The following ADCY3 variants were observed in gnomAD, a reference collection of about 807,000 sequenced individuals.
ADCY3 encodes the protein adenylate cyclase type 3.
Under a neutral mutation model 119.4 loss-of-function variants are expected in ADCY3, and 70 were observed. That is an observed-to-expected ratio of 0.59 (90% CI 0.48 to 0.72). The LOEUF (loss-of-function observed/expected upper bound fraction) is 0.72. Among genes scored for constraint, ADCY3 ranks in the 30% least tolerant of loss-of-function variants. ADCY3 has a pLI of 0.00. For missense variants in ADCY3, 1,238 were observed against 1,541.6 expected, an observed-to-expected ratio of 0.80 and a Z score of 3.30; for synonymous variants, 672 against 621.4, an observed-to-expected ratio of 1.08 and a Z score of -1.21.
In ADCY3 at chr2:24,822,584, A is replaced by G; in HGVS notation, c.2930T>C (p.Ile977Thr). ...TGAAGCCGCCATATACGTGCTGCCA[A>G]TGGTTTTGATCTTGGTGATCACCCG... ...KFRVITKIKT[I>T]GSTYMAASGV... The change falls in exon 19 of 22, where the codon ATT becomes ACT. Residue 977 changes from isoleucine (I) to threonine (T), a missense_variant. Physicochemically the swap from Ile to Thr is moderately conservative, Grantham distance 89. Around this residue, in one of 7 missense-constraint regions of ADCY3, gnomAD observed 37 missense variants for 73.5 expected, o/e 0.50. Coordinates refer to ENST00000679454, the MANE Select transcript of ADCY3 (RefSeq NM_004036.5). The G allele has an allele frequency of 1.2e-6, 2 of 1,614,016 alleles. No homozygotes were observed. The highest frequency in any genetic ancestry group is 1.7e-6 in the Non-Finnish European group (2 of 1,179,988).
chr2:24,844,487 G>C lies in ADCY3; in HGVS notation c.826-2103C>G, dbSNP rs553027944. ...AAGTGCTCTGACTCTGCTGAGTTCA[G>C]GGGTCCCTGAGGCCCGAGAGAGGCC... On this transcript the variant is annotated intron_variant, in intron 3 of 21. Coordinates refer to ENST00000679454, the MANE Select transcript of ADCY3 (RefSeq NM_004036.5). Among the ~76,000 whole-genome samples, 11 of 152,268 alleles carry C rather than the reference G, an allele frequency of 7.2e-5. No homozygotes were observed. In the South Asian group the frequency reaches 8.3e-4, roughly 11 times the overall value.
At chr2:24,870,062 G>A (rs1309321544) in intron 3 of ADCY3, among the ~76,000 whole-genome samples, 2 of 151,784 alleles carry the variant, frequency 1.3e-5, no homozygotes, top group African/African-American at 4.8e-5. Context: ...TGTAACCCCA[G>A]CACTTTGGGA....
chr2:24,919,828 C>T lies in ADCY3; in HGVS notation c.-343G>A, dbSNP rs1664898706. The stretch of plus-strand genomic sequence containing the variant: ...GGCCCGGCCGGAGCGCGATCTCCCG[C>T]CGTCAGGCCCGGGATCCGACCGGGA... On this transcript the variant is annotated 5_prime_UTR_variant, in exon 1 of 22. Coordinates refer to ENST00000679454, the MANE Select transcript of ADCY3 (RefSeq NM_004036.5). This position sits in a 1 kb window ranked among gnomAD's most constrained non-coding sequence, Gnocchi z 5.5. The T allele has an allele frequency of 6.6e-6, 1 of 151,112 alleles. No individual in the cohort carries two copies. Among genetic ancestry groups the T allele is most frequent in the African/African-American group, 2.4e-5 (1 of 41,322 alleles). The allele number at this position is 151,112 out of a possible 1,614,324, so 9.4% of individuals were successfully genotyped here.
intron 3 of ADCY3, among the ~76,000 whole-genome samples, chr2:24,862,839 T>C (rs1046622008): frequency 6.6e-6 from 1 of 152,220 alleles, no homozygotes; most frequent in African/African-American, 2.4e-5. Context: ...TGGTGGCCTC[T>C]TCTACTTTTC....
intron 3 of ADCY3, among the ~76,000 whole-genome samples, chr2:24,848,397 C>G (rs1671900957): frequency 6.6e-6 from 1 of 152,232 alleles, no homozygotes; most frequent in Non-Finnish European, 1.5e-5. Flanking sequence ...AGAAACAATG[C>G]TAATGACTGG....
intron 2 of ADCY3, among the ~76,000 whole-genome samples, chr2:24,903,149 CAAAAAAA>C: frequency 1.0e-5 from 1 of 95,478 alleles, no homozygotes; most frequent in East Asian, 3.2e-4. Context: ...ACTCTATCTC[CAAAAAAA>C]AAAAAAAAAA....
rs962155039 is a variant in ADCY3, at chr2:24,904,476, G to A, written c.675+13837C>T. On this transcript the variant is annotated intron_variant, in intron 2 of 21. Transcript: ENST00000679454. ...GCAGAGGCTGCAGTGAGCCGAGATC[G>A]TGCCCCTGCACTCCAGCCTGAGCGA... Among the ~76,000 whole-genome samples, 6 of 152,024 alleles carry A rather than the reference G, an allele frequency of 3.9e-5. No homozygotes were observed. In the South Asian group the frequency reaches 6.2e-4, roughly 16 times the overall value.
chr2:24,827,379 C>T (rs1201588578), intron 15 of ADCY3, among the ~76,000 whole-genome samples, 167 bp downstream of exon 15: 1 of 152,244 alleles, frequency 6.6e-6, no homozygotes, highest in East Asian at 1.9e-4. Flanking sequence ...CTCCTCACTG[C>T]ACTGCTGCAG....
intron 3 of ADCY3, among the ~76,000 whole-genome samples, chr2:24,854,773 G>A (rs935179361): frequency 7.9e-5 from 12 of 152,116 alleles, no homozygotes; most frequent in Non-Finnish European, 1.2e-4. Flanking sequence ...TCCCAGCCTG[G>A]GCATGGTGGA....
chr2:24,848,962 C>T (rs1158496037), intron 3 of ADCY3, among the ~76,000 whole-genome samples: 1 of 152,208 alleles, frequency 6.6e-6, no homozygotes, highest in Non-Finnish European at 1.5e-5. Flanking sequence ...TCTCAGCCCC[C>T]CCCGCCACGT....
In ADCY3 at chr2:24,919,986, G is replaced by A. The variant is rs1358109973; in HGVS notation, c.-501C>T. The A allele has an allele frequency of 2.7e-5, 4 of 149,176 alleles. No homozygotes were observed. Among genetic ancestry groups the A allele is most frequent in the African/African-American group, 9.7e-5 (4 of 41,050 alleles). The allele number at this position is 149,176 out of a possible 1,614,324, so 9.2% of individuals were successfully genotyped here. On this transcript the variant is annotated 5_prime_UTR_variant, in exon 1 of 22. Transcript: ENST00000679454. This position sits in a 1 kb window ranked among gnomAD's most constrained non-coding sequence, Gnocchi z 5.5. ...CCTGGGGCTGAGGCTCAGGGGCAGGGGCCGTGCGGGGGCCGGCAGGCGCGG... is the reference window on the plus strand; with the variant it reads ...CCTGGGGCTGAGGCTCAGGGGCAGGAGCCGTGCGGGGGCCGGCAGGCGCGG...
intron 2 of ADCY3, among the ~76,000 whole-genome samples, chr2:24,873,794 C>G (rs897678380): frequency 6.6e-6 from 1 of 152,224 alleles, no homozygotes. Flanking sequence ...GCCCTTCCCC[C>G]GAGGCTGTGG....
intron 11 of ADCY3, among the ~76,000 whole-genome samples, chr2:24,833,882 T>A (rs576406175): frequency 9.2e-5 from 14 of 152,356 alleles, no homozygotes; most frequent in African/African-American, 3.4e-4. Context: ...CCAAGGCTCC[T>A]GACAAACTGT....
intron 3 of ADCY3, among the ~76,000 whole-genome samples, chr2:24,867,204 G>A (rs535534451): frequency 1.4e-3 from 212 of 152,344 alleles, no homozygotes; most frequent in South Asian, 4.3e-3. Flanking sequence ...GGGAGCAACA[G>A]TCTATCTGAC....
At chr2:24,821,105 G>T in intron 20 of ADCY3, 1 of 494,616 alleles carries the variant, frequency 2.0e-6, no homozygotes, top group Non-Finnish European at 3.6e-6. Flanking sequence ...TAACACAGCT[G>T]GTATTTCAAG....
intron 2 of ADCY3, among the ~76,000 whole-genome samples, chr2:24,886,218 G>T (rs1414960596): frequency 6.6e-6 from 1 of 152,190 alleles, no homozygotes; most frequent in Non-Finnish European, 1.5e-5. Flanking sequence ...GTGAAGGAAT[G>T]AATACATGGA....
intron 7 of ADCY3, among the ~76,000 whole-genome samples, chr2:24,839,168 T>C (rs1228544646): frequency 1.3e-5 from 2 of 152,072 alleles, no homozygotes; most frequent in Non-Finnish European, 2.9e-5. Context: ...TCTCAAACTC[T>C]TGACCTCAGG....
intron 3 of ADCY3, among the ~76,000 whole-genome samples, chr2:24,846,600 C>T (rs540517384): frequency 3.5e-5 from 5 of 141,422 alleles, no homozygotes; most frequent in African/African-American, 1.1e-4. Context: ...TTTTTTGAGA[C>T]GAAGTCTCGC....
intron 20 of ADCY3, chr2:24,821,120 C>A: frequency 2.1e-6 from 1 of 476,114 alleles, no homozygotes; most frequent in Non-Finnish European, 3.7e-6. Context: ...TTCAAGTCTC[C>A]TGGGACCTCA....
Sources: gnomAD v4.1 joint callset for allele counts (sites outside exome capture counted in the v4.1 genomes callset) on GRCh38, gnomAD v4.1.1 for gene constraint, gnomAD v4.1.1 regional missense constraint, Gnocchi (gnomAD v3.1) non-coding constraint, MANE v1.5 for transcripts, NCBI Gene and HGNC (gene_info 2026-07-23, HGNC 2026-07-21) for gene names.